Variants in PIERCE2 observed in about 807,000 individuals in gnomAD.
The protein encoded by PIERCE2 is piercer of microtubule wall 2 protein.
chr15:55,412,433 C>T, the PIERCE2 span, among the ~76,000 whole-genome samples: 4 of 152,218 alleles, frequency 2.6e-5, 1 homozygote, highest in South Asian at 6.2e-4. Flanking sequence ...TAGAAGAGAT[C>T]TGAGAGGTCA....
the PIERCE2 span, among the ~76,000 whole-genome samples, chr15:55,411,740 G>A: frequency 6.6e-6 from 1 of 152,114 alleles, no homozygotes; most frequent in Middle Eastern, 3.4e-3. Context: ...TGACTAACAT[G>A]GAGAAACCCC....
chr15:55,414,083 G>C, the PIERCE2 span, among the ~76,000 whole-genome samples: 1 of 151,644 alleles, frequency 6.6e-6, no homozygotes, highest in Admixed American at 6.6e-5. Context: ...ATTTTTAGTA[G>C]AGACAGGGTT....
the PIERCE2 span, among the ~76,000 whole-genome samples, chr15:55,409,503 A>G: frequency 1.3e-5 from 2 of 152,246 alleles, no homozygotes; most frequent in Middle Eastern, 3.2e-3. Flanking sequence ...AAGTAAATAA[A>G]TAAATGGAAA....
chr15:55,418,144 G>A, the PIERCE2 span: 1 of 1,570,638 alleles, frequency 6.4e-7, no homozygotes, highest in East Asian at 2.2e-5. Flanking sequence ...CTGAAAAAGG[G>A]AAGTGGGTGG....
At chr15:55,408,611 T>A in the PIERCE2 span, 1 of 429,112 alleles carries the variant, frequency 2.3e-6, no homozygotes, top group South Asian at 5.7e-5. Context: ...ATTAAACGGA[T>A]AGGTTTACAC....
the PIERCE2 span, among the ~76,000 whole-genome samples, chr15:55,413,760 C>CAAAAA: frequency 9.0e-6 from 1 of 111,450 alleles, no homozygotes; most frequent in African/African-American, 3.0e-5. Context: ...AACTCCGTTT[C>CAAAAA]AAAAAAAAAA....
chr15:55,413,966 C>G, the PIERCE2 span, among the ~76,000 whole-genome samples: 1 of 150,308 alleles, frequency 6.7e-6, no homozygotes. Context: ...GGCAGGATCT[C>G]GGCTCAAGGC....
chr15:55,418,051 T>C, the PIERCE2 span: 1 of 1,347,528 alleles, frequency 7.4e-7, no homozygotes, highest in East Asian at 2.3e-5. Flanking sequence ...CATCTGGATG[T>C]ATACGTGCAG....
chr15:55,412,314 CCT>C, the PIERCE2 span, among the ~76,000 whole-genome samples: 2 of 151,982 alleles, frequency 1.3e-5, no homozygotes, highest in Non-Finnish European at 2.9e-5. Flanking sequence ...CACATCCAGC[CCT>C]CTTTCGCTTA....
the PIERCE2 span, chr15:55,410,700 T>TAAC: frequency 2.0e-5 from 3 of 152,104 alleles, no homozygotes; most frequent in African/African-American, 7.2e-5. Flanking sequence ...GAGATAGTAT[T>TAAC]AACAACAACA....
chr15:55,410,371 C>T, the PIERCE2 span, among the ~76,000 whole-genome samples: 6 of 152,168 alleles, frequency 3.9e-5, no homozygotes, highest in Non-Finnish European at 8.8e-5. Context: ...CGCGGTGGCT[C>T]ATGCCTATAA....
chr15:55,417,073 C>T, the PIERCE2 span, among the ~76,000 whole-genome samples: 1 of 152,152 alleles, frequency 6.6e-6, no homozygotes, highest in Non-Finnish European at 1.5e-5. Flanking sequence ...CTCCTCACCA[C>T]ATTCACACAG....
At chr15:55,416,488 CAT>C in the PIERCE2 span, among the ~76,000 whole-genome samples, 2 of 152,058 alleles carry the variant, frequency 1.3e-5, no homozygotes, top group South Asian at 4.1e-4. Flanking sequence ...TATAAAACTA[CAT>C]ATATATATTT....
At chr15:55,414,124 C>T in the PIERCE2 span, among the ~76,000 whole-genome samples, 3 of 151,776 alleles carry the variant, frequency 2.0e-5, no homozygotes, top group East Asian at 5.9e-4. Context: ...GTCTGGATCT[C>T]CTGACCCTGT....
the PIERCE2 span, chr15:55,410,668 A>G: frequency 6.6e-6 from 1 of 152,176 alleles, no homozygotes; most frequent in Non-Finnish European, 1.5e-5. Flanking sequence ...AAAAAATAAA[A>G]AAGAGTTCTC....
chr15:55,418,770 G>A, the PIERCE2 span: 1 of 468,114 alleles, frequency 2.1e-6, no homozygotes, highest in Non-Finnish European at 3.7e-6. Flanking sequence ...ATAAAAGGTA[G>A]AAAGTGTTTT....
the PIERCE2 span, among the ~76,000 whole-genome samples, chr15:55,409,234 C>G: frequency 6.6e-6 from 1 of 151,970 alleles, no homozygotes; most frequent in African/African-American, 2.4e-5. Flanking sequence ...GGTGAAACTC[C>G]GTCTCTACTA....
the PIERCE2 span, chr15:55,408,670 T>C: frequency 1.4e-6 from 1 of 713,886 alleles, no homozygotes; most frequent in Non-Finnish European, 2.4e-6. Context: ...TTTAATTGGG[T>C]GCGGTTAAAA....
chr15:55,410,888 T>G, the PIERCE2 span: 1 of 152,218 alleles, frequency 6.6e-6, no homozygotes, highest in African/African-American at 2.4e-5. Context: ...ACCATCAAAA[T>G]TTTAAAATTC....
Sources: allele counts gnomAD v4.1 joint callset (sites outside exome capture counted in the v4.1 genomes callset), GRCh38; gene constraint gnomAD v4.1.1; transcripts MANE v1.5; gene names NCBI Gene and HGNC (gene_info 2026-07-23, HGNC 2026-07-21).